STYK1: variants seen among roughly 807,000 people sequenced by gnomAD.
STYK1 encodes the protein tyrosine-protein kinase STYK1.
A neutral mutation model predicts 48.1 loss-of-function variants in STYK1; 46 were observed. The observed-to-expected ratio is 0.96, with a 90% CI of 0.75 to 1.22. The LOEUF (loss-of-function observed/expected upper bound fraction) is 1.22. Ranked by LOEUF, STYK1 falls within the 50% of genes most tolerant of loss-of-function variation. STYK1 has a pLI of 0.00. For missense variants in STYK1, 527 were observed against 521.1 expected (o/e 1.01, Z -0.11); for synonymous variants, 188 against 189.0 (o/e 0.99, Z 0.04).
intron 1 of STYK1, among the ~76,000 whole-genome samples, chr12:10,656,423 G>C (rs1265019178): frequency 1.2e-4 from 19 of 152,106 alleles, no homozygotes; most frequent in Admixed American, 1.2e-3. Flanking sequence ...TCAGGAGATA[G>C]AGACCATCCT....
intron 1 of STYK1, among the ~76,000 whole-genome samples, chr12:10,639,814 A>G (rs754116357): frequency 6.6e-6 from 1 of 152,218 alleles, no homozygotes; most frequent in Non-Finnish European, 1.5e-5. Context: ...TTGTGCATAT[A>G]TACTTGTCTT....
At chr12:10,673,118 G>C (rs374290906) in intron 1 of STYK1, among the ~76,000 whole-genome samples, 7 of 152,090 alleles carry the variant, frequency 4.6e-5, no homozygotes, top group African/African-American at 1.7e-4. Flanking sequence ...AAGAAAGAAA[G>C]GGGGGATGAA....
chr12:10,633,287 G>A (rs1247892166), intron 4 of STYK1, among the ~76,000 whole-genome samples: 1 of 152,146 alleles, frequency 6.6e-6, no homozygotes, highest in African/African-American at 2.4e-5. Context: ...ATTTTAGTGT[G>A]TTCAAAAGAG....
chr12:10,663,858 C>T (rs1433964289), intron 1 of STYK1, among the ~76,000 whole-genome samples: 2 of 151,958 alleles, frequency 1.3e-5, no homozygotes, highest in African/African-American at 4.8e-5. Flanking sequence ...ATATGTCTTT[C>T]CATTCATTTA....
At chr12:10,657,502 G>T (rs1947731951) in intron 1 of STYK1, among the ~76,000 whole-genome samples, 1 of 152,184 alleles carries the variant, frequency 6.6e-6, no homozygotes, top group South Asian at 2.1e-4. Context: ...AATAAAGACA[G>T]TTTTAAAGAT....
Position 10,672,158 on chromosome 12 carries a change from G to C in STYK1, c.-195+1808C>G, listed in dbSNP as rs764186505. ...AGAAAGAGGCCTGGAATAGATGCAG[G>C]CTTCATAACATGTTAGTTTTGGATA... is the stretch of plus-strand genomic sequence containing the variant. On this transcript the variant is annotated intron_variant, in intron 1 of 10. Coordinates refer to ENST00000075503, the MANE Select transcript of STYK1 (RefSeq NM_018423.3). This position sits in a 1 kb window ranked among gnomAD's most constrained non-coding sequence, Gnocchi z 4.0. Among the ~76,000 whole-genome samples the C allele has an allele frequency of 6.6e-6, 1 of 152,114 alleles. No homozygotes were observed. The highest frequency in any genetic ancestry group is 1.5e-5 in the Non-Finnish European group (1 of 68,020).
chr12:10,648,032 C>T (rs1947619989), intron 1 of STYK1, among the ~76,000 whole-genome samples: 1 of 152,142 alleles, frequency 6.6e-6, no homozygotes, highest in South Asian at 2.1e-4. Flanking sequence ...CACCACTCCT[C>T]TTAGAGATTA....
intron 1 of STYK1, among the ~76,000 whole-genome samples, chr12:10,658,544 A>C (rs1164551588): frequency 6.6e-6 from 1 of 152,170 alleles, no homozygotes; most frequent in Non-Finnish European, 1.5e-5. Context: ...TATGTTTCTA[A>C]TAATCAAGTG....
chr12:10,659,915 C>A (rs1409550003), intron 1 of STYK1, among the ~76,000 whole-genome samples: 4 of 152,086 alleles, frequency 2.6e-5, no homozygotes. Context: ...ATTCTAGTCC[C>A]ATCAGTTTTT....
intron 1 of STYK1, among the ~76,000 whole-genome samples, chr12:10,662,212 G>A (rs2120793959): frequency 6.7e-6 from 1 of 149,874 alleles, no homozygotes; most frequent in African/African-American, 2.4e-5. Flanking sequence ...CCTTTTTGAG[G>A]CTAAATAATA....
At chr12:10,668,979 G>C (rs1369489310) in intron 1 of STYK1, among the ~76,000 whole-genome samples, 2 of 152,142 alleles carry the variant, frequency 1.3e-5, no homozygotes, top group Non-Finnish European at 1.5e-5. Context: ...CTGAGCCTGG[G>C]CTGGTGGGGA....
At chr12:10,662,654 T>C (rs1947789884) in intron 1 of STYK1, among the ~76,000 whole-genome samples, 1 of 152,248 alleles carries the variant, frequency 6.6e-6, no homozygotes, top group African/African-American at 2.4e-5. Flanking sequence ...GCCACTTGTA[T>C]ATCTTCTTTG....
intron 1 of STYK1, among the ~76,000 whole-genome samples, chr12:10,653,251 A>G (rs1187380334): frequency 6.0e-5 from 8 of 132,640 alleles, no homozygotes; most frequent in South Asian, 2.5e-4. Context: ...TTTTTTTTGT[A>G]TTTTTTAGTA....
chr12:10,671,246 A>G (rs376535853), intron 1 of STYK1, among the ~76,000 whole-genome samples: 1 of 152,004 alleles, frequency 6.6e-6, no homozygotes, highest in African/African-American at 2.4e-5. Context: ...CGCCCACCTC[A>G]GCCTCCCAAA....
At chr12:10,653,648 C>T (rs1460892106) in intron 1 of STYK1, among the ~76,000 whole-genome samples, 1 of 152,170 alleles carries the variant, frequency 6.6e-6, no homozygotes, top group Non-Finnish European at 1.5e-5. Flanking sequence ...ATCTGTACAT[C>T]CTGTATGTTG....
chr12:10,660,724 T>C (rs1484496623), intron 1 of STYK1, among the ~76,000 whole-genome samples: 1 of 152,194 alleles, frequency 6.6e-6, no homozygotes, highest in Non-Finnish European at 1.5e-5. Context: ...TTGCTCATTA[T>C]ACACTAATTA....
At chr12:10,668,539 CTTTTTTTTTTTTTT>C (rs55897413) in intron 1 of STYK1, among the ~76,000 whole-genome samples, 5 of 46,504 alleles carry the variant, frequency 1.1e-4, no homozygotes, top group South Asian at 1.6e-3. Context: ...CCACACCTGG[CTTTTTTTTTTTTTT>C]TTTTTTTTTT....
At chr12:10,651,082 T>G (rs1035693557) in intron 1 of STYK1, among the ~76,000 whole-genome samples, 8 of 146,488 alleles carry the variant, frequency 5.5e-5, no homozygotes, top group African/African-American at 1.8e-4. Context: ...TATGCAGGGG[T>G]GTGTATTTTC....
chr12:10,637,373 T>G (rs1947497934), intron 1 of STYK1, among the ~76,000 whole-genome samples, 177 bp from the exon 2 acceptor site: 2 of 150,018 alleles, frequency 1.3e-5, no homozygotes, highest in Non-Finnish European at 1.5e-5. Flanking sequence ...GGTCTCACTC[T>G]GTCGCCCAGG....
Sources: gnomAD v4.1 joint callset for allele counts (sites outside exome capture counted in the v4.1 genomes callset) on GRCh38, gnomAD v4.1.1 for gene constraint, Gnocchi (gnomAD v3.1) non-coding constraint, MANE v1.5 for transcripts, NCBI Gene and HGNC (gene_info 2026-07-23, HGNC 2026-07-21) for gene names.